KIRREL1: variants seen among roughly 807,000 people sequenced by gnomAD.
The protein encoded by KIRREL1 is kin of IRRE-like protein 1.
A neutral mutation model predicts 83.3 loss-of-function variants in KIRREL1; 25 were observed. The ratio of observed to expected loss-of-function variants is 0.30; its 90% CI spans 0.22 to 0.42. The LOEUF (loss-of-function observed/expected upper bound fraction) is 0.42. Among genes scored for constraint, KIRREL1 ranks in the 10% least tolerant of loss-of-function variants. The pLI is 1.00. For missense variants in KIRREL1, 812 were observed against 1,032.3 expected (o/e 0.79, Z 2.92); for synonymous variants, 388 against 410.4 (o/e 0.95, Z 0.66).
At chr1:158,005,561 A>G (rs1659493450) in intron 1 of KIRREL1, among the ~76,000 whole-genome samples, 1 of 151,764 alleles carries the variant, frequency 6.6e-6, no homozygotes, top group African/African-American at 2.4e-5. Flanking sequence ...TTTTTTAATG[A>G]AAAAAGTCCT....
chr1:158,029,362 T>C (rs1557994996), intron 1 of KIRREL1, among the ~76,000 whole-genome samples: 1 of 148,972 alleles, frequency 6.7e-6, no homozygotes, highest in African/African-American at 2.5e-5. Context: ...TGTGTGTGTG[T>C]GTGTGCACGT....
Position 158,094,374 on chromosome 1 carries a change from A to G in KIRREL1, c.1781A>G (p.Glu594Gly). 6.3e-7 allele frequency: 1 copy of G among 1,584,010 alleles called. No homozygotes were observed. Among genetic ancestry groups the G allele is most frequent in the South Asian group, 1.1e-5 (1 of 90,188 alleles). Residue 594 changes from glutamate to glycine, a missense_variant, in exon 14 of 15, where the codon GAG becomes GGG. Glu to Gly is a moderately conservative substitution (Grantham distance 98). Around this residue, in one of 3 missense-constraint regions of KIRREL1, gnomAD observed 334 missense variants for 383.7 expected, o/e 0.87. Transcript: ENST00000359209. This position sits in a 1 kb window ranked among gnomAD's most constrained non-coding sequence, Gnocchi z 4.6. ...CGCTGCGACACCATCGACACCCGGG[A>G]GGAGTATGAGATGAAGGTGGGAAAG... ...DLRCDTIDTR[E>G]EYEMKDPTNG... is the part of the protein sequence containing the mutation.
chr1:158,086,801 T>G (rs756271701), intron 5 of KIRREL1, 55 bp downstream of exon 5: 96 of 1,473,764 alleles, frequency 6.5e-5, no homozygotes, highest in Non-Finnish European at 8.5e-5. Flanking sequence ...AGGGGTGTGT[T>G]TGAGAAGCAC....
intron 3 of KIRREL1, 80 bp downstream of exon 3, chr1:158,078,220 T>G: frequency 4.2e-6 from 6 of 1,435,400 alleles, no homozygotes. Flanking sequence ...TCCAGTTCCC[T>G]CTTTAATTTC....
At chr1:158,062,504 A>C (rs1235461290) in intron 1 of KIRREL1, among the ~76,000 whole-genome samples, 1 of 152,246 alleles carries the variant, frequency 6.6e-6, no homozygotes, top group Admixed American at 6.5e-5. Flanking sequence ...GATGACCCCA[A>C]CCTGGGGATT....
intron 1 of KIRREL1, among the ~76,000 whole-genome samples, chr1:158,015,853 G>C (rs1306418110): frequency 2.0e-5 from 3 of 151,994 alleles, no homozygotes; most frequent in Admixed American, 2.0e-4. Context: ...CTCTTTCCCT[G>C]CTTCCCTAAT....
intron 1 of KIRREL1, among the ~76,000 whole-genome samples, chr1:158,046,935 G>T (rs1160137719): frequency 6.6e-6 from 1 of 152,132 alleles, no homozygotes; most frequent in Non-Finnish European, 1.5e-5. Context: ...CAACAGAGAG[G>T]TTTTAAGAGA....
At chr1:158,076,014 C>T in intron 1 of KIRREL1, 99 bp from the exon 2 acceptor site, 2 of 1,165,174 alleles carry the variant, frequency 1.7e-6, no homozygotes, top group Non-Finnish European at 2.4e-6. Context: ...CCATCCCCAA[C>T]TGGAGGCTCT....
At chr1:158,048,596 C>T (rs1331121196) in intron 1 of KIRREL1, among the ~76,000 whole-genome samples, 1 of 152,110 alleles carries the variant, frequency 6.6e-6, no homozygotes. Flanking sequence ...GAGATGTCAT[C>T]CAAATTGGGA....
At chr1:158,041,785 T>TGG (rs1357041256) in intron 1 of KIRREL1, among the ~76,000 whole-genome samples, 1 of 152,058 alleles carries the variant, frequency 6.6e-6, no homozygotes, top group African/African-American at 2.4e-5. Flanking sequence ...GGTGGGAGAA[T>TGG]GGGGGTGCTT....
chr1:158,022,271 A>T (rs1660021211), intron 1 of KIRREL1, among the ~76,000 whole-genome samples: 1 of 152,190 alleles, frequency 6.6e-6, no homozygotes, highest in South Asian at 2.1e-4. Context: ...CATTATAAGT[A>T]TCCCAAAAAA....
chr1:157,994,964 G>A (rs1471520345), intron 1 of KIRREL1, among the ~76,000 whole-genome samples: 2 of 152,166 alleles, frequency 1.3e-5, no homozygotes, highest in South Asian at 2.1e-4. Context: ...CAGGACACAC[G>A]CTCTCACAGA....
chr1:158,044,567 C>T (rs1419940343), intron 1 of KIRREL1, among the ~76,000 whole-genome samples: 2 of 152,194 alleles, frequency 1.3e-5, no homozygotes, highest in African/African-American at 2.4e-5. Flanking sequence ...GGCACGAACT[C>T]GGCTTACTGC....
At chr1:158,006,845 G>T (rs1159225867) in intron 1 of KIRREL1, among the ~76,000 whole-genome samples, 1 of 152,372 alleles carries the variant, frequency 6.6e-6, no homozygotes, top group Non-Finnish European at 1.5e-5. Flanking sequence ...GGGCATGGGG[G>T]TGATGGCAGA....
In KIRREL1 at chr1:158,084,574, A is replaced by G; in HGVS notation, c.505A>G (p.Ser169Gly). Reference protein sequence around the residue: ...DGTQQEGAVASTELLKDGKRE... With the variant: ...DGTQQEGAVAGTELLKDGKRE... ...GACGCAGCAGGAGGGCGCTGTGGCC[A>G]GCACGGTGAGCTCCAGCCAGCTCCC... The change falls in exon 4 of 15, where the codon AGC becomes GGC. Residue 169 changes from serine (S) to glycine (G), a missense_variant. Physicochemically the swap from Ser to Gly is moderately conservative, Grantham distance 56. Around this residue, in one of 3 missense-constraint regions of KIRREL1, gnomAD observed 472 missense variants for 626.8 expected, o/e 0.75. Transcript: ENST00000359209. 6.4e-7 allele frequency: 1 copy of G among 1,551,598 alleles called. No homozygotes were observed. The highest frequency in any genetic ancestry group is 8.7e-7 in the Non-Finnish European group (1 of 1,146,950).
chr1:158,062,915 G>A (rs1233357653), intron 1 of KIRREL1, among the ~76,000 whole-genome samples: 1 of 152,244 alleles, frequency 6.6e-6, no homozygotes, highest in East Asian at 1.9e-4. Context: ...TTTCTGGAGT[G>A]CAGAGCCAGA....
intron 1 of KIRREL1, among the ~76,000 whole-genome samples, chr1:158,057,135 A>C (rs1661087362): frequency 6.6e-6 from 1 of 152,188 alleles, no homozygotes; most frequent in Non-Finnish European, 1.5e-5. Flanking sequence ...TCTCAGGAGT[A>C]GATGGGATAG....
At chr1:158,004,510 G>A (rs1659461845) in intron 1 of KIRREL1, among the ~76,000 whole-genome samples, 1 of 152,184 alleles carries the variant, frequency 6.6e-6, no homozygotes, top group African/African-American at 2.4e-5. Context: ...CTTGGATCTG[G>A]AAACTGAATG....
At chr1:158,063,513 C>A (rs1309475178) in intron 1 of KIRREL1, among the ~76,000 whole-genome samples, 1 of 152,190 alleles carries the variant, frequency 6.6e-6, no homozygotes, top group Non-Finnish European at 1.5e-5. Context: ...AGTCTTTCAG[C>A]ACTTATTTGT....
Sources: gnomAD v4.1 joint callset for allele counts (sites outside exome capture counted in the v4.1 genomes callset) on GRCh38, gnomAD v4.1.1 for gene constraint, gnomAD v4.1.1 regional missense constraint, Gnocchi (gnomAD v3.1) non-coding constraint, MANE v1.5 for transcripts, NCBI Gene and HGNC (gene_info 2026-07-23, HGNC 2026-07-21) for gene names.